The following THSD4 variants were observed in gnomAD, a reference collection of about 807,000 sequenced individuals.
THSD4 encodes thrombospondin type-1 domain-containing protein 4.
A neutral mutation model predicts 119.0 loss-of-function variants in THSD4; 69 were observed. The ratio of observed to expected loss-of-function variants is 0.58; its 90% CI spans 0.48 to 0.71. THSD4 has a LOEUF of 0.71. Among genes scored for constraint, THSD4 ranks in the 30% least tolerant of loss-of-function variants. THSD4 has a pLI of 0.00. For synonymous variants in THSD4, 524 were observed against 540.4 expected, an observed-to-expected ratio of 0.97 and a Z score of 0.42; for missense variants, 1,393 against 1,391.1, an observed-to-expected ratio of 1.00 and a Z score of -0.02.
At chr15:71,368,571 G>A (rs2140431406) in intron 6 of THSD4, among the ~76,000 whole-genome samples, 1 of 152,214 alleles carries the variant, frequency 6.6e-6, no homozygotes, top group Non-Finnish European at 1.5e-5. Flanking sequence ...TTTTTGTCAG[G>A]TTTGTCAAAG....
rs757060246 is a variant in THSD4 at position 71,779,700 on chromosome 15, A to G, written c.*2326A>G. 4.6e-5 allele frequency: 7 copies of G among 152,178 alleles called. No individual in the cohort carries two copies. In the East Asian group the frequency reaches 7.7e-4, roughly 17 times the overall value. 9.4% of individuals were successfully genotyped at this position (152,178 alleles called of 1,614,324 possible). A position where few individuals can be genotyped will look rare whatever the true frequency, so the allele number is the denominator to read the frequency against. On this transcript the variant is annotated 3_prime_UTR_variant, in exon 18 of 18. Transcript: ENST00000261862. Reference sequence around the variant, plus strand: ...TGTCTCTTTATGTCTAAAGTGCCCTATGGCTGCTGAAGGTTACCTAACCAT... The same window carrying G: ...TGTCTCTTTATGTCTAAAGTGCCCTGTGGCTGCTGAAGGTTACCTAACCAT...
At chr15:71,747,989 A>G (rs1346373010) in intron 13 of THSD4, among the ~76,000 whole-genome samples, 4 of 152,130 alleles carry the variant, frequency 2.6e-5, no homozygotes, top group Admixed American at 2.0e-4. Context: ...ATAATTTGGT[A>G]TCTTATTGCC....
intron 15 of THSD4, among the ~76,000 whole-genome samples, 181 bp downstream of exon 15, chr15:71,758,256 A>G (rs901733224): frequency 6.6e-6 from 1 of 152,252 alleles, no homozygotes; most frequent in Non-Finnish European, 1.5e-5. Flanking sequence ...AACAGTATTC[A>G]TTGAGCACCT....
At chr15:71,364,961 C>T (rs910436528) in intron 6 of THSD4, among the ~76,000 whole-genome samples, 4 of 152,120 alleles carry the variant, frequency 2.6e-5, no homozygotes, top group African/African-American at 9.7e-5. Context: ...TGTTTTGACC[C>T]ATTGCTTCCA....
At chr15:71,699,362 G>T (rs1386961065) in intron 8 of THSD4, among the ~76,000 whole-genome samples, 1 of 64,848 alleles carries the variant, frequency 1.5e-5, no homozygotes, top group Non-Finnish European at 2.7e-5. Flanking sequence ...ACAGGCGCCC[G>T]CCACTACGCC....
At chr15:71,180,462 T>C (rs2043507082) in intron 3 of THSD4, among the ~76,000 whole-genome samples, 1 of 152,196 alleles carries the variant, frequency 6.6e-6, no homozygotes, top group South Asian at 2.1e-4. Flanking sequence ...CAAAAACTTT[T>C]GGGTGATGGA....
intron 6 of THSD4, among the ~76,000 whole-genome samples, chr15:71,331,543 A>C (rs1373441617): frequency 1.3e-5 from 2 of 152,206 alleles, no homozygotes; most frequent in African/African-American, 4.8e-5. Context: ...TGAGCTGCAG[A>C]GCTTCACTCT....
At chr15:71,145,247 AAC>A (rs1336327420) in intron 2 of THSD4, among the ~76,000 whole-genome samples, 1 of 152,190 alleles carries the variant, frequency 6.6e-6, no homozygotes, top group Non-Finnish European at 1.5e-5. Context: ...AGAAAAACAG[AAC>A]TATCAAATGC....
chr15:71,745,009 C>T, intron 11 of THSD4, 97 bp from the exon 12 acceptor site: 4 of 1,478,906 alleles, frequency 2.7e-6, no homozygotes, highest in Non-Finnish European at 3.6e-6. Flanking sequence ...TTTCTGTGCC[C>T]TCTCTTCATC....
intron 7 of THSD4, among the ~76,000 whole-genome samples, chr15:71,657,722 A>C (rs982608829): frequency 8.5e-5 from 13 of 152,082 alleles, no homozygotes; most frequent in African/African-American, 2.9e-4. Flanking sequence ...CACTGAAACC[A>C]ACCTCCAGGC....
intron 8 of THSD4, among the ~76,000 whole-genome samples, chr15:71,689,254 C>A (rs192948322): frequency 1.4e-3 from 213 of 152,318 alleles, no homozygotes; most frequent in African/African-American, 4.9e-3. Flanking sequence ...GGAGCCACCA[C>A]CTGGTTCCTC....
At chr15:71,373,716 A>G (rs894413242) in intron 6 of THSD4, among the ~76,000 whole-genome samples, 4 of 152,182 alleles carry the variant, frequency 2.6e-5, no homozygotes, top group African/African-American at 9.6e-5. Flanking sequence ...ACAAGGGTCC[A>G]GGCAGATGTT....
chr15:71,567,092 CAG>C (rs1324526079), intron 7 of THSD4, among the ~76,000 whole-genome samples: 4 of 152,266 alleles, frequency 2.6e-5, no homozygotes, highest in Admixed American at 6.5e-5. Flanking sequence ...ACCCCTCACT[CAG>C]AGCAGTGCCC....
At position 71,737,974 on chromosome 15, in the gene THSD4, G is replaced by A; in HGVS notation, c.1873G>A (p.Gly625Arg). ...RSRDHNWKQL[G>R]TTECSTTCGK... ...CCGGGATCACAACTGGAAGCAGCTT[G>A]GGACAACAGAATGTTCCACGACCTG... The change falls in exon 11 of 18, where the codon GGG (glycine) becomes AGG (arginine). Residue 625 changes from glycine to arginine, a missense_variant. Transcript: ENST00000261862. 6.2e-7 allele frequency: 1 copy of A among 1,613,934 alleles called. No individual in the cohort carries two copies. Among genetic ancestry groups the A allele is most frequent in the Non-Finnish European group, 8.5e-7 (1 of 1,179,858 alleles).
At chr15:71,541,377 G>T (rs780220494) in intron 7 of THSD4, among the ~76,000 whole-genome samples, 2 of 152,208 alleles carry the variant, frequency 1.3e-5, no homozygotes, top group Non-Finnish European at 2.9e-5. Context: ...CTAAGTGGCT[G>T]CAGTATGAGA....
At chr15:71,278,182 T>G (rs959684544) in intron 6 of THSD4, among the ~76,000 whole-genome samples, 2 of 152,116 alleles carry the variant, frequency 1.3e-5, no homozygotes, top group Non-Finnish European at 2.9e-5. Context: ...GCCAACAGAA[T>G]TTTTGTTTGC....
At chr15:71,372,693 G>C (rs1233783458) in intron 6 of THSD4, among the ~76,000 whole-genome samples, 2 of 152,254 alleles carry the variant, frequency 1.3e-5, no homozygotes, top group East Asian at 3.8e-4. Flanking sequence ...CCCTACCGGG[G>C]GGTGCCTCCC....
intron 1 of THSD4, among the ~76,000 whole-genome samples, chr15:71,100,880 G>T (rs1252758048): frequency 6.6e-6 from 1 of 152,148 alleles, no homozygotes; most frequent in African/African-American, 2.4e-5. Flanking sequence ...TACTCTGGAG[G>T]CTGAGGTTGG....
chr15:71,338,276 C>G (rs114192020), intron 6 of THSD4, among the ~76,000 whole-genome samples: 2 of 127,598 alleles, frequency 1.6e-5, no homozygotes, highest in African/African-American at 5.7e-5. Flanking sequence ...CCCCACCCCC[C>G]GCCCCACTCT....
Sources: allele counts gnomAD v4.1 joint callset (sites outside exome capture counted in the v4.1 genomes callset), GRCh38; gene constraint gnomAD v4.1.1; transcripts MANE v1.5; gene names NCBI Gene and HGNC (gene_info 2026-07-23, HGNC 2026-07-21).